Variants in CAMTA1 observed in about 807,000 individuals in gnomAD.
The protein encoded by CAMTA1 is calmodulin binding transcription activator 1.
Under a neutral mutation model 170.9 loss-of-function variants are expected in CAMTA1, and 27 were observed. That is an observed-to-expected ratio of 0.16 (90% confidence interval 0.12 to 0.22). The LOEUF (loss-of-function observed/expected upper bound fraction) is 0.22. Among genes scored for constraint, CAMTA1 ranks in the 10% least tolerant of loss-of-function variants. The probability of loss-of-function intolerance (pLI) is 1.00; values close to 1 mark genes in which losing one functional copy is unlikely to be tolerated. For synonymous variants in CAMTA1, 833 were observed against 891.5 expected, an observed-to-expected ratio of 0.93 and a Z score of 1.17; for missense variants, 1,619 against 2,217.2, an observed-to-expected ratio of 0.73 and a Z score of 5.42.
At chr1:7,102,416 G>C (rs560429860) in intron 4 of CAMTA1, among the ~76,000 whole-genome samples, 1 of 152,238 alleles carries the variant, frequency 6.6e-6, no homozygotes, top group African/African-American at 2.4e-5. Flanking sequence ...GGGATGATCT[G>C]TAGGAATTCA....
At chr1:7,745,067 T>C in intron 17 of CAMTA1, 45 bp downstream of exon 17, 1 of 1,535,842 alleles carries the variant, frequency 6.5e-7, no homozygotes, top group Non-Finnish European at 8.8e-7. Context: ...GATTCCCGGA[T>C]GTAATTGGAG....
chr1:7,266,236 G>A (rs1040989720), intron 5 of CAMTA1, among the ~76,000 whole-genome samples: 11 of 152,182 alleles, frequency 7.2e-5, no homozygotes, highest in African/African-American at 1.4e-4. Flanking sequence ...GTTCAGTTGC[G>A]GCCAGACCTA....
chr1:7,559,592 C>G (rs919424713), intron 6 of CAMTA1, among the ~76,000 whole-genome samples: 2 of 152,174 alleles, frequency 1.3e-5, no homozygotes, highest in African/African-American at 4.8e-5. Context: ...CCTGCTAATG[C>G]CACGGTTTGG....
At chr1:7,237,345 A>G (rs1664072100) in intron 4 of CAMTA1, among the ~76,000 whole-genome samples, 1 of 152,144 alleles carries the variant, frequency 6.6e-6, no homozygotes, top group Admixed American at 6.5e-5. Context: ...GGCTGACAGG[A>G]GAAAGATCCA....
At chr1:7,508,402 T>C (rs2094152387) in intron 6 of CAMTA1, among the ~76,000 whole-genome samples, 1 of 152,212 alleles carries the variant, frequency 6.6e-6, no homozygotes, top group African/African-American at 2.4e-5. Flanking sequence ...CCTGCTACTT[T>C]GATTTGTCGC....
chr1:7,130,669 GTA>G (rs1366311607), intron 4 of CAMTA1, among the ~76,000 whole-genome samples: 3 of 152,106 alleles, frequency 2.0e-5, no homozygotes, highest in Non-Finnish European at 2.9e-5. Flanking sequence ...CTAATCTAGT[GTA>G]TGTGTGGACG....
In CAMTA1 at chr1:7,665,669, T is replaced by C. The variant is rs2095994650; in HGVS notation, c.2652+470T>C. On this transcript the variant is annotated intron_variant, in intron 9 of 22. Transcript: ENST00000303635. This position sits in a 1 kb window ranked among gnomAD's most constrained non-coding sequence, Gnocchi z 4.3. ...GGTTGAGGCTGCAGTGAGCTGTGGT[T>C]GTACCACTGCACTCCAGTCCGGATG... 1.3e-5 allele frequency among the ~76,000 whole-genome samples: 2 copies of C among 152,050 alleles called. No homozygotes were observed. The highest frequency in any genetic ancestry group is 1.3e-4 in the Admixed American group (2 of 15,274).
At chr1:7,156,275 CAAAA>C (rs34284954) in intron 4 of CAMTA1, among the ~76,000 whole-genome samples, 1 of 114,804 alleles carries the variant, frequency 8.7e-6, no homozygotes, top group Non-Finnish European at 1.9e-5. Context: ...AACTCCACCT[CAAAA>C]AAAAAAAAAA....
chr1:7,710,504 G>A (rs1397596480), intron 11 of CAMTA1, among the ~76,000 whole-genome samples: 4 of 151,248 alleles, frequency 2.6e-5, no homozygotes, highest in Non-Finnish European at 4.4e-5. Flanking sequence ...GGAGGCTGAA[G>A]CAGGAGGATT....
intron 3 of CAMTA1, among the ~76,000 whole-genome samples, chr1:7,031,021 T>G (rs1311437495): frequency 2.0e-5 from 3 of 149,798 alleles, no homozygotes; most frequent in Non-Finnish European, 4.5e-5. Context: ...TTTTTTTTTT[T>G]TTTTTTAGTA....
chr1:7,353,228 G>T (rs78568952), intron 5 of CAMTA1, among the ~76,000 whole-genome samples: 138 of 152,196 alleles, frequency 9.1e-4, no homozygotes, highest in African/African-American at 3.1e-3. Flanking sequence ...TTCCCTGTTG[G>T]CAGCATAGTG....
rs1482774006 is a variant in CAMTA1, at chr1:7,767,942, C to T, written c.*1451C>T. Reference sequence around the variant, plus strand: ...TATGTTTACATTTAATTTTGGCTACCAGGAGTTTAGTTTATTTTATTTAAA... The same window carrying T: ...TATGTTTACATTTAATTTTGGCTACTAGGAGTTTAGTTTATTTTATTTAAA... On this transcript the variant is annotated 3_prime_UTR_variant, in exon 23 of 23. Transcript: ENST00000303635. 1 of 151,318 alleles carries T rather than the reference C, an allele frequency of 6.6e-6. No homozygotes were observed. The highest frequency in any genetic ancestry group is 1.5e-5 in the Non-Finnish European group (1 of 67,774). 9.4% of individuals were successfully genotyped at this position (151,318 alleles called of 1,614,324 possible).
At chr1:7,269,412 C>A (rs1457695196) in intron 5 of CAMTA1, among the ~76,000 whole-genome samples, 1 of 152,320 alleles carries the variant, frequency 6.6e-6, no homozygotes, top group South Asian at 2.1e-4. Flanking sequence ...ATATAGAAGT[C>A]ACAGTTTTTT....
At chr1:7,126,290 C>T (rs942698682) in intron 4 of CAMTA1, among the ~76,000 whole-genome samples, 7 of 152,166 alleles carry the variant, frequency 4.6e-5, no homozygotes, top group Non-Finnish European at 8.8e-5. Flanking sequence ...GCCTGCCTGT[C>T]TTCACCTCAG....
At chr1:7,401,552 G>A (rs890040453) in intron 5 of CAMTA1, among the ~76,000 whole-genome samples, 1 of 151,740 alleles carries the variant, frequency 6.6e-6, no homozygotes, top group Admixed American at 6.6e-5. Context: ...GAATTTAATC[G>A]GAACTGCATT....
chr1:7,166,436 T>G (rs574575606), intron 4 of CAMTA1, among the ~76,000 whole-genome samples: 1 of 152,354 alleles, frequency 6.6e-6, no homozygotes, highest in African/African-American at 2.4e-5. Context: ...TCAGCGATTA[T>G]CATTGCTGTC....
At chr1:6,846,417 A>G (rs897202270) in intron 3 of CAMTA1, among the ~76,000 whole-genome samples, 4 of 152,206 alleles carry the variant, frequency 2.6e-5, no homozygotes, top group Admixed American at 1.3e-4. Flanking sequence ...TTCTCTTTAT[A>G]AGGAGACAAT....
intron 6 of CAMTA1, among the ~76,000 whole-genome samples, chr1:7,503,255 G>A (rs1246227615): frequency 6.6e-6 from 1 of 152,248 alleles, no homozygotes; most frequent in African/African-American, 2.4e-5. Context: ...CCGAGAGCAA[G>A]GGTCCAGGGC....
chr1:7,760,356 T>G (rs1441455312), intron 22 of CAMTA1, among the ~76,000 whole-genome samples: 1 of 152,196 alleles, frequency 6.6e-6, no homozygotes, highest in Non-Finnish European at 1.5e-5. Context: ...GCTTACACTT[T>G]TGGCTGTTTT....
Sources: gnomAD v4.1 joint callset for allele counts (sites outside exome capture counted in the v4.1 genomes callset) on GRCh38, gnomAD v4.1.1 for gene constraint, Gnocchi (gnomAD v3.1) non-coding constraint, MANE v1.5 for transcripts, NCBI Gene and HGNC (gene_info 2026-07-23, HGNC 2026-07-21) for gene names.